The following PEAK1 variants were observed in gnomAD, a reference collection of about 807,000 sequenced individuals.
PEAK1 encodes the protein inactive tyrosine-protein kinase PEAK1.
In PEAK1, 54 loss-of-function variants were observed where a neutral mutation model predicts 124.7. The ratio of observed to expected loss-of-function variants is 0.43; its 90% CI spans 0.35 to 0.54. PEAK1 has a LOEUF of 0.54. Among genes scored for constraint, PEAK1 ranks in the 20% least tolerant of loss-of-function variants. The pLI, the probability that PEAK1 is intolerant of heterozygous loss-of-function variation, is 0.01. For synonymous variants in PEAK1, 719 were observed against 760.0 expected (o/e 0.95, Z 0.89); for missense variants, 2,046 against 2,134.5 (o/e 0.96, Z 0.82).
At chr15:77,349,398 T>A in intron 2 of PEAK1, 12 of 980,384 alleles carry the variant, frequency 1.2e-5, no homozygotes, top group Non-Finnish European at 1.5e-5. Flanking sequence ...CCATGTTGTA[T>A]TTAAGAGAGT....
At chr15:77,226,088 T>TATATAA (rs2059661713) in intron 6 of PEAK1, among the ~76,000 whole-genome samples, 1 of 125,838 alleles carries the variant, frequency 7.9e-6, no homozygotes, top group African/African-American at 3.0e-5. Flanking sequence ...TATATATATA[T>TATATAA]TACACACACA....
intron 5 of PEAK1, among the ~76,000 whole-genome samples, chr15:77,282,937 CT>C (rs2062745508): frequency 1.3e-5 from 2 of 152,062 alleles, no homozygotes; most frequent in East Asian, 1.9e-4. Flanking sequence ...TAAAAAAAAC[CT>C]TTGCATATGT....
chr15:77,108,041 T>G (rs1213437076), downstream of PEAK1: 1 of 152,278 alleles, frequency 6.6e-6, no homozygotes, highest in East Asian at 1.9e-4. Flanking sequence ...AGCCATCATT[T>G]CCTGTGTTAT....
intron 1 of PEAK1, among the ~76,000 whole-genome samples, chr15:77,409,107 C>T (rs2072183305): frequency 6.6e-6 from 1 of 152,006 alleles, no homozygotes; most frequent in Non-Finnish European, 1.5e-5. Context: ...AAGAGTGGTA[C>T]CATGGCATCT....
chr15:77,298,151 T>C (rs1405081327), intron 2 of PEAK1, among the ~76,000 whole-genome samples: 1 of 72,318 alleles, frequency 1.4e-5, no homozygotes, highest in Non-Finnish European at 3.6e-5. Context: ...TCTTTATTAT[T>C]AATGAAAAAA....
At chr15:77,269,862 T>G (rs1432583791) in intron 5 of PEAK1, among the ~76,000 whole-genome samples, 1 of 152,182 alleles carries the variant, frequency 6.6e-6, no homozygotes, top group East Asian at 1.9e-4. Context: ...GAGATTCTGG[T>G]ATGTTGTACC....
At chr15:77,233,420 G>A (rs1315845631) in intron 6 of PEAK1, among the ~76,000 whole-genome samples, 1 of 151,986 alleles carries the variant, frequency 6.6e-6, no homozygotes, top group Non-Finnish European at 1.5e-5. Flanking sequence ...ATTCTTCCTG[G>A]AGTATTTCCT....
chr15:77,325,344 GC>G (rs1339084257), intron 2 of PEAK1, among the ~76,000 whole-genome samples: 1 of 151,904 alleles, frequency 6.6e-6, no homozygotes, highest in African/African-American at 2.4e-5. Flanking sequence ...TGAGTGGTAG[GC>G]TACAGTGAGC....
chr15:77,231,725 G>C (rs1173842170), intron 6 of PEAK1, among the ~76,000 whole-genome samples: 1 of 152,114 alleles, frequency 6.6e-6, no homozygotes, highest in Non-Finnish European at 1.5e-5. Context: ...AATTGCATAT[G>C]AAATTGTAAC....
intron 6 of PEAK1, among the ~76,000 whole-genome samples, chr15:77,196,798 T>C (rs994428018): frequency 1.3e-5 from 2 of 152,192 alleles, no homozygotes; most frequent in African/African-American, 4.8e-5. Context: ...TTTGGTATAC[T>C]TTAAAAATTA....
At chr15:77,132,884 A>C in intron 9 of PEAK1, 121 bp downstream of exon 9, 5 of 912,408 alleles carry the variant, frequency 5.5e-6, no homozygotes, top group Non-Finnish European at 8.3e-6. Context: ...GGTAAGAGGT[A>C]GATGCTCAAT....
At chr15:77,319,330 C>A (rs2153014338) in intron 2 of PEAK1, among the ~76,000 whole-genome samples, 1 of 150,838 alleles carries the variant, frequency 6.6e-6, no homozygotes, top group African/African-American at 2.4e-5. Context: ...CTACAAACAC[C>A]TTTCTTTAAA....
At chr15:77,357,465 G>T (rs954260400) in intron 2 of PEAK1, among the ~76,000 whole-genome samples, 1 of 152,034 alleles carries the variant, frequency 6.6e-6, no homozygotes, top group Non-Finnish European at 1.5e-5. Flanking sequence ...TAGAGATGGG[G>T]TTTCACCATG....
intron 5 of PEAK1, among the ~76,000 whole-genome samples, chr15:77,258,580 T>C (rs1209802913): frequency 1.3e-5 from 2 of 152,182 alleles, no homozygotes; most frequent in African/African-American, 4.8e-5. Flanking sequence ...TGATTTTGTA[T>C]CCTGAGACTT....
rs200033766 is a variant in PEAK1 at position 77,184,002 on chromosome 15, A to AT, written c.-114-1963dup. Among the ~76,000 whole-genome samples the AT allele has an allele frequency of 3.3e-3, 499 of 151,082 alleles. 8 individuals carry two copies. Among genetic ancestry groups the AT allele is most frequent in the Admixed American group, 0.022 (327 of 15,164 alleles). ...GCCACTATGCCTGGCTAATTTTTCT[A>AT]TTTTTTTTATAGAGATGGGGTTTCT... On this transcript the variant is annotated intron_variant, in intron 6 of 9. Transcript: ENST00000682557.
chr15:77,161,507 C>T (rs1036282330), intron 7 of PEAK1, among the ~76,000 whole-genome samples: 6 of 152,292 alleles, frequency 3.9e-5, no homozygotes, highest in South Asian at 4.1e-4. Flanking sequence ...TAAAGAACTA[C>T]GCAAATAGAG....
chr15:77,316,276 A>G (rs1161050630), intron 2 of PEAK1, among the ~76,000 whole-genome samples: 1 of 152,226 alleles, frequency 6.6e-6, no homozygotes, highest in Non-Finnish European at 1.5e-5. Flanking sequence ...ATTAGAAAAT[A>G]GAGACTTTTA....
chr15:77,384,242 C>T (rs2069729630), intron 1 of PEAK1, among the ~76,000 whole-genome samples: 1 of 151,374 alleles, frequency 6.6e-6, no homozygotes, highest in Admixed American at 6.6e-5. Context: ...TTTACCTTTA[C>T]TCCTTCCCTG....
chr15:77,402,958 G>A (rs997573179), intron 1 of PEAK1: 27 of 985,224 alleles, frequency 2.7e-5, no homozygotes, highest in Middle Eastern at 1.0e-3. Flanking sequence ...AGATCACTTT[G>A]AAATGCAGTT....
Sources: gnomAD v4.1 joint callset for allele counts (sites outside exome capture counted in the v4.1 genomes callset) on GRCh38, gnomAD v4.1.1 for gene constraint, MANE v1.5 for transcripts, NCBI Gene and HGNC (gene_info 2026-07-23, HGNC 2026-07-21) for gene names.